The following PRKD1 variants were observed in gnomAD, a reference collection of about 807,000 sequenced individuals.
The protein encoded by PRKD1 is protein kinase D1.
PRKD1 carries 63 observed loss-of-function variants against 95.9 expected under a neutral mutation model. The ratio of observed to expected loss-of-function variants is 0.66; its 90% CI spans 0.54 to 0.81. The LOEUF (loss-of-function observed/expected upper bound fraction) is 0.81, where lower values mean the gene tolerates loss of function less well. Ranked by LOEUF, PRKD1 falls within the 30% of genes least tolerant of loss-of-function variation. The pLI is 0.00. For synonymous variants in PRKD1, 425 were observed against 423.1 expected, an observed-to-expected ratio of 1.00 and a Z score of -0.05; for missense variants, 1,048 against 1,165.3, an observed-to-expected ratio of 0.90 and a Z score of 1.47.
intron 1 of PRKD1, among the ~76,000 whole-genome samples, chr14:29,849,812 T>C (rs1033977544): frequency 1.8e-4 from 28 of 152,234 alleles, no homozygotes; most frequent in Admixed American, 1.8e-3. Flanking sequence ...AACAATATAC[T>C]AGCAAACTAA....
chr14:29,788,332 G>C (rs1889367595), intron 1 of PRKD1, among the ~76,000 whole-genome samples: 1 of 151,998 alleles, frequency 6.6e-6, no homozygotes, highest in Non-Finnish European at 1.5e-5. Context: ...CTTTTCTATT[G>C]CTGTTTTTAG....
At chr14:29,729,176 G>A (rs920942561) in intron 1 of PRKD1, among the ~76,000 whole-genome samples, 2 of 152,176 alleles carry the variant, frequency 1.3e-5, no homozygotes, top group African/African-American at 4.8e-5. Flanking sequence ...TTCAAGGTAA[G>A]TTTTGAATAG....
chr14:29,837,994 T>C lies in PRKD1; in HGVS notation c.264+89255A>G, dbSNP rs568265587. On this transcript the variant is annotated intron_variant, in intron 1 of 17. Transcript: ENST00000331968. ...AGAAAATACTGTTCCTTCATTGCTG[T>C]GGGCTTGGGAAACTATCTGGATTTC... Among the ~76,000 whole-genome samples the C allele has an allele frequency of 2.4e-4, 36 of 152,306 alleles. 2 individuals carry two copies. The South Asian group carries it at 7.0e-3, about 30-fold the overall frequency.
intron 1 of PRKD1, among the ~76,000 whole-genome samples, chr14:29,730,042 C>T (rs1410994627): frequency 1.3e-5 from 2 of 151,750 alleles, no homozygotes; most frequent in Non-Finnish European, 2.9e-5. Context: ...AACGTTAAGA[C>T]ATCAAACTAA....
intron 1 of PRKD1, among the ~76,000 whole-genome samples, chr14:29,750,443 T>C (rs1251669402): frequency 1.3e-5 from 2 of 152,194 alleles, no homozygotes; most frequent in African/African-American, 2.4e-5. Context: ...TTGAATTAAA[T>C]GCGAGCTATA....
At chr14:29,888,560 A>G (rs1015801883) in intron 1 of PRKD1, among the ~76,000 whole-genome samples, 3 of 152,230 alleles carry the variant, frequency 2.0e-5, no homozygotes, top group Non-Finnish European at 2.9e-5. Context: ...CCTACATGAT[A>G]TAATTCAATG....
chr14:29,893,405 T>C (rs1894008790), intron 1 of PRKD1, among the ~76,000 whole-genome samples: 1 of 151,962 alleles, frequency 6.6e-6, no homozygotes, highest in African/African-American at 2.4e-5. Context: ...AAGAGGTTTT[T>C]TTTTGGTTTT....
intron 2 of PRKD1, among the ~76,000 whole-genome samples, chr14:29,669,746 T>C (rs1882732581): frequency 6.6e-6 from 1 of 152,134 alleles, no homozygotes; most frequent in Non-Finnish European, 1.5e-5. Context: ...CATGCACCTG[T>C]AATCCGAGCT....
intron 1 of PRKD1, among the ~76,000 whole-genome samples, chr14:29,893,257 A>G (rs1248162151): frequency 6.6e-6 from 1 of 152,154 alleles, no homozygotes; most frequent in Non-Finnish European, 1.5e-5. Flanking sequence ...TTTAATACAT[A>G]TAAGAGTAGT....
In PRKD1 at chr14:29,688,794, G is replaced by A. The variant is rs961174740; in HGVS notation, c.404-22586C>T. Among the ~76,000 whole-genome samples, 19 of 151,372 alleles carry A rather than the reference G, an allele frequency of 1.3e-4. No homozygotes were observed. In the South Asian group the frequency reaches 1.7e-3, roughly 13 times the overall value. On this transcript the variant is annotated intron_variant, in intron 2 of 17. Transcript: ENST00000331968. ...TAAAATACAAAAAAATTAGCCGGGC[G>A]TGGCAGCGTGCACCTGTAGTCCCAG... is the stretch of plus-strand genomic sequence containing the variant.
chr14:29,633,997 T>G (rs963312076), intron 8 of PRKD1, among the ~76,000 whole-genome samples: 2 of 152,208 alleles, frequency 1.3e-5, no homozygotes, highest in African/African-American at 2.4e-5. Flanking sequence ...TGTTCCTGAA[T>G]GGGTCAGTTC....
intron 1 of PRKD1, among the ~76,000 whole-genome samples, chr14:29,726,518 G>A (rs1355828778): frequency 3.3e-5 from 5 of 152,130 alleles, no homozygotes; most frequent in Non-Finnish European, 7.4e-5. Flanking sequence ...TGGAACTGAT[G>A]ACAGATCTGA....
At chr14:29,664,838 T>G (rs1346134495) in intron 3 of PRKD1, among the ~76,000 whole-genome samples, 1 of 152,206 alleles carries the variant, frequency 6.6e-6, no homozygotes, top group Non-Finnish European at 1.5e-5. Context: ...GGTGCAGAAA[T>G]GCAGATACAT....
At chr14:29,639,116 A>G (rs1020733074) in intron 4 of PRKD1, among the ~76,000 whole-genome samples, 1 of 151,884 alleles carries the variant, frequency 6.6e-6, no homozygotes, top group Non-Finnish European at 1.5e-5. Flanking sequence ...AAAAAAAAAG[A>G]GAATTGGAGA....
Position 29,901,580 on chromosome 14 carries a change from A to T in PRKD1, c.264+25669T>A, listed in dbSNP as rs148320149. 3.9e-3 allele frequency among the ~76,000 whole-genome samples: 593 copies of T among 152,290 alleles called. 8 individuals are homozygous for T. Among genetic ancestry groups the T allele is most frequent in the African/African-American group, 0.013 (553 of 41,538 alleles). On this transcript the variant is annotated intron_variant, in intron 1 of 17. Transcript: ENST00000331968. ...AAAGCTGAAATTATAAAAAATAAAA[A>T]TAAAAAAGATACAGCATAGTTCATT...
chr14:29,787,926 T>C (rs1377905046), intron 1 of PRKD1, among the ~76,000 whole-genome samples: 4 of 152,186 alleles, frequency 2.6e-5, no homozygotes, highest in Admixed American at 2.6e-4. Flanking sequence ...TCCTCTTTCA[T>C]TGTTTATCTT....
At chr14:29,620,414 G>A (rs1002261934) in intron 13 of PRKD1, among the ~76,000 whole-genome samples, 21 of 149,474 alleles carry the variant, frequency 1.4e-4, no homozygotes, top group African/African-American at 3.9e-4. Context: ...GAAAATTTTC[G>A]CAACCTATTC....
intron 14 of PRKD1, 116 bp downstream of exon 14, chr14:29,599,540 A>G: frequency 1.1e-6 from 1 of 940,372 alleles, no homozygotes; most frequent in Non-Finnish European, 1.6e-6. Context: ...AACCTTTTCT[A>G]GTGTAGTTTA....
intron 11 of PRKD1, among the ~76,000 whole-genome samples, chr14:29,628,782 T>C (rs955053262): frequency 5.3e-5 from 8 of 152,176 alleles, no homozygotes; most frequent in African/African-American, 9.6e-5. Flanking sequence ...AGGGCAAATA[T>C]GTGAGAAATC....
Sources: gnomAD v4.1 joint callset for allele counts (sites outside exome capture counted in the v4.1 genomes callset) on GRCh38, gnomAD v4.1.1 for gene constraint, MANE v1.5 for transcripts, NCBI Gene and HGNC (gene_info 2026-07-23, HGNC 2026-07-21) for gene names.